MDFIC: variants seen among roughly 807,000 people sequenced by gnomAD.
MDFIC encodes myoD family inhibitor domain-containing protein.
A neutral mutation model predicts 23.2 loss-of-function variants in MDFIC; 17 were observed. The ratio of observed to expected loss-of-function variants is 0.73; its 90% CI spans 0.50 to 1.10. MDFIC has a LOEUF of 1.10. MDFIC is among the 50% of genes least tolerant of loss of function. MDFIC has a pLI of 0.00. For missense variants in MDFIC, 356 were observed against 316.6 expected, an observed-to-expected ratio of 1.12 and a Z score of -0.95; for synonymous variants, 120 against 115.2, an observed-to-expected ratio of 1.04 and a Z score of -0.27.
intron 4 of MDFIC, among the ~76,000 whole-genome samples, chr7:114,998,183 G>C (rs1035819241): frequency 4.6e-5 from 7 of 152,126 alleles, no homozygotes; most frequent in Admixed American, 2.6e-4. Context: ...TGAATTTTAT[G>C]ACAAAAACTG....
chr7:114,974,747 G>A, intron 3 of MDFIC, among the ~76,000 whole-genome samples: 1 of 152,004 alleles, frequency 6.6e-6, no homozygotes, highest in East Asian at 1.9e-4. Context: ...TCATGCTATT[G>A]ACTCATTTAC....
chr7:115,011,653 T>C (rs1392302910), intron 4 of MDFIC, among the ~76,000 whole-genome samples: 1 of 152,268 alleles, frequency 6.6e-6, no homozygotes, highest in Non-Finnish European at 1.5e-5. Context: ...GTAGGAGTTA[T>C]GAGAGATTCA....
chr7:114,979,341 TTCTC>T (rs1424692816), intron 3 of MDFIC, among the ~76,000 whole-genome samples, 161 bp from the exon 4 acceptor site: 5 of 152,190 alleles, frequency 3.3e-5, no homozygotes, highest in South Asian at 2.1e-4. Flanking sequence ...AAATTATACT[TTCTC>T]TATGTCTATG....
intron 3 of MDFIC, among the ~76,000 whole-genome samples, chr7:114,969,281 A>G (rs952137814): frequency 6.6e-6 from 1 of 152,176 alleles, no homozygotes; most frequent in Non-Finnish European, 1.5e-5. Context: ...TTGAATACCA[A>G]ACTGTTGCTT....
intron 4 of MDFIC, among the ~76,000 whole-genome samples, chr7:115,012,732 C>T (rs1216432487): frequency 6.6e-6 from 1 of 152,092 alleles, no homozygotes; most frequent in Non-Finnish European, 1.5e-5. Context: ...AATCCCAGCA[C>T]TTCGGGAGGC....
At chr7:114,936,204 AC>A (rs2115730958) in intron 2 of MDFIC, among the ~76,000 whole-genome samples, 1 of 152,254 alleles carries the variant, frequency 6.6e-6, no homozygotes, top group South Asian at 2.1e-4. Flanking sequence ...GCAGAGTAAA[AC>A]TTGGTGAGAG....
chr7:114,961,247 G>A (rs1476182389), intron 3 of MDFIC, among the ~76,000 whole-genome samples: 1 of 152,076 alleles, frequency 6.6e-6, no homozygotes, highest in Non-Finnish European at 1.5e-5. Context: ...GATCAATGAT[G>A]GCCATGAACC....
At chr7:114,933,173 T>G (rs1037400652) in intron 2 of MDFIC, among the ~76,000 whole-genome samples, 2 of 152,026 alleles carry the variant, frequency 1.3e-5, no homozygotes, top group African/African-American at 4.8e-5. Context: ...CTGTGGTGCA[T>G]ATGCAAGTTA....
chr7:114,935,638 T>C (rs1585093470), intron 2 of MDFIC, among the ~76,000 whole-genome samples: 1 of 152,076 alleles, frequency 6.6e-6, no homozygotes, highest in East Asian at 1.9e-4. Flanking sequence ...AGAATAATGG[T>C]AAATATAAGT....
intron 3 of MDFIC, among the ~76,000 whole-genome samples, chr7:114,967,638 T>C (rs915599246): frequency 4.6e-5 from 7 of 152,128 alleles, no homozygotes; most frequent in Admixed American, 4.6e-4. Flanking sequence ...TTCTTTGTAA[T>C]ATCCCTTATT....
At chr7:114,954,247 T>C (rs1295208153) in intron 3 of MDFIC, among the ~76,000 whole-genome samples, 1 of 152,264 alleles carries the variant, frequency 6.6e-6, no homozygotes, top group Non-Finnish European at 1.5e-5. Context: ...TTTTCCTTAA[T>C]GATAATTGTG....
chr7:114,961,662 G>T (rs1792994606), intron 3 of MDFIC, among the ~76,000 whole-genome samples: 1 of 152,168 alleles, frequency 6.6e-6, no homozygotes, highest in Admixed American at 6.5e-5. Flanking sequence ...ATGGTGGAAG[G>T]TGAAGGGGAA....
intron 3 of MDFIC, among the ~76,000 whole-genome samples, chr7:114,974,800 C>T (rs1208037779): frequency 6.6e-6 from 1 of 152,026 alleles, no homozygotes; most frequent in East Asian, 1.9e-4. Context: ...AGACCTAATT[C>T]TATTGGTTTC....
At chr7:114,935,151 C>T (rs780747494) in intron 2 of MDFIC, among the ~76,000 whole-genome samples, 2 of 151,844 alleles carry the variant, frequency 1.3e-5, no homozygotes, top group Admixed American at 6.6e-5. Flanking sequence ...GAATACATAT[C>T]GATCATCTGT....
intron 4 of MDFIC, among the ~76,000 whole-genome samples, chr7:115,005,051 G>A (rs1435382629): frequency 3.3e-5 from 5 of 152,154 alleles, no homozygotes; most frequent in African/African-American, 9.7e-5. Context: ...TCCTGTTCAA[G>A]GCCAAGAAAA....
intron 2 of MDFIC, among the ~76,000 whole-genome samples, chr7:114,937,212 G>A (rs141822064): frequency 6.6e-6 from 1 of 152,186 alleles, no homozygotes; most frequent in African/African-American, 2.4e-5. Context: ...GGAGAAGATT[G>A]TTTCTTACCA....
At chr7:114,947,952 G>GT (rs1451916141) in intron 3 of MDFIC, among the ~76,000 whole-genome samples, 2 of 152,070 alleles carry the variant, frequency 1.3e-5, no homozygotes, top group Non-Finnish European at 2.9e-5. Flanking sequence ...GTTTTGTTTT[G>GT]TTTTTTAAGT....
chr7:114,974,205 T>G lies in MDFIC; in HGVS notation c.218-5301T>G, dbSNP rs575480384. On this transcript the variant is annotated intron_variant, in intron 3 of 4. Coordinates refer to ENST00000393486, the MANE Select transcript of MDFIC (RefSeq NM_001166345.3). Reference sequence around the variant, plus strand: ...ATTATATAGCAATAAAAATGTAAGATAGTTTTTATCATGTTAGTTCATATT... The same window carrying G: ...ATTATATAGCAATAAAAATGTAAGAGAGTTTTTATCATGTTAGTTCATATT... 2.6e-5 allele frequency among the ~76,000 whole-genome samples: 4 copies of G among 152,272 alleles called. No individual in the cohort carries two copies. In the East Asian group the frequency reaches 7.7e-4, roughly 29 times the overall value.
intron 4 of MDFIC, among the ~76,000 whole-genome samples, chr7:115,014,776 C>T (rs1224176564): frequency 6.6e-6 from 1 of 152,108 alleles, no homozygotes; most frequent in Non-Finnish European, 1.5e-5. Context: ...CCTTCCATTA[C>T]CCCTCTCACT....
Sources: gnomAD v4.1 joint callset for allele counts (sites outside exome capture counted in the v4.1 genomes callset) on GRCh38, gnomAD v4.1.1 for gene constraint, MANE v1.5 for transcripts, NCBI Gene and HGNC (gene_info 2026-07-23, HGNC 2026-07-21) for gene names.